The following MVP variants were observed in gnomAD, a reference collection of about 807,000 sequenced individuals.
The protein encoded by MVP is lung resistance-related protein.
MVP carries 62 observed loss-of-function variants against 83.5 expected under a neutral mutation model. That is an observed-to-expected ratio of 0.74 (90% CI 0.61 to 0.92). MVP has a LOEUF of 0.92. MVP is among the 40% of genes least tolerant of loss of function. The pLI is 0.00. For synonymous variants in MVP, 505 were observed against 504.1 expected, an observed-to-expected ratio of 1.00 and a Z score of -0.02; for missense variants, 1,000 against 1,203.4, an observed-to-expected ratio of 0.83 and a Z score of 2.50.
intron 1 of MVP, among the ~76,000 whole-genome samples, chr16:29,824,697 C>T (rs957898769): frequency 2.6e-5 from 4 of 151,858 alleles, no homozygotes; most frequent in Admixed American, 2.0e-4. Flanking sequence ...GGTAGGTGGA[C>T]GTTGCAGTGA....
chr16:29,839,430 G>T (rs2067514773), intron 7 of MVP, among the ~76,000 whole-genome samples: 1 of 152,062 alleles, frequency 6.6e-6, no homozygotes, highest in Non-Finnish European at 1.5e-5. Flanking sequence ...ACTGAATTGT[G>T]AATTGTATAC....
At chr16:29,833,403 C>T (rs1275163708) in intron 3 of MVP, 6 of 267,424 alleles carry the variant, frequency 2.2e-5, no homozygotes, top group Admixed American at 1.0e-4. Context: ...CTCAAGTGAT[C>T]CTCCCACCTC....
Position 29,836,768 on chromosome 16 carries a change from G to A in MVP, c.719G>A (p.Gly240Glu). The A allele has an allele frequency of 2.5e-6, 4 of 1,611,552 alleles. No homozygotes were observed. The South Asian group carries it at 4.4e-5, about 18-fold the overall frequency. The change falls in exon 7 of 15, where the codon GGA becomes GAA. Residue 240 changes from glycine to glutamate, a missense_variant. By Grantham distance (98) the Gly-to-Glu change is moderately conservative. Coordinates refer to ENST00000357402, the MANE Select transcript of MVP (RefSeq NM_005115.5). Reference protein sequence around the residue: ...RARRNFRDFRGVSRRTGEEWL... With the variant: ...RARRNFRDFREVSRRTGEEWL... The stretch of plus-strand genomic sequence containing the variant: ...CGGCGGAACTTCCGGGACTTCAGGG[G>A]AGTGTCCCGCCGCACTGGGGAGGAG...
chr16:29,841,793 C>G lies in MVP; in HGVS notation c.1389C>G (p.Pro463=). The change falls in exon 9 of 15, where the codon CCC becomes CCG. Residue 463 remains proline, a synonymous_variant. Coordinates refer to ENST00000357402, the MANE Select transcript of MVP (RefSeq NM_005115.5). The surrounding 1 kb of genome is among the most constrained non-coding windows in gnomAD (Gnocchi z 4.7). ...NKTRVVSYRV[P]HNAAVQVYDY... is the part of the protein sequence containing the mutation. ...CCCGTGTGGTCAGCTACCGCGTGCC[C>G]CACAACGCTGCGGTGCAGGTGTACG... 6.2e-7 allele frequency: 1 copy of G among 1,613,192 alleles called. No homozygotes were observed. Among genetic ancestry groups the G allele is most frequent in the Non-Finnish European group, 8.5e-7 (1 of 1,180,016 alleles).
intron 11 of MVP, among the ~76,000 whole-genome samples, chr16:29,845,523 C>T (rs2067576824): frequency 6.6e-6 from 1 of 152,218 alleles, no homozygotes; most frequent in South Asian, 2.1e-4. Context: ...CAAAGATCCC[C>T]TCCTTGGGGA....
rs765833073 is a variant in MVP at position 29,842,088 on chromosome 16, T to C, written c.1610T>C (p.Leu537Pro). The change falls in exon 10 of 15, where the codon CTG (leucine) becomes CCG (proline). Residue 537 changes from leucine (L) to proline (P), a missense_variant. By Grantham distance (98) the Leu-to-Pro change is moderately conservative (BLOSUM62 -3). Coordinates refer to ENST00000357402, the MANE Select transcript of MVP (RefSeq NM_005115.5). ...ATCGAAACGGCGGATCATGCCAGGC[T>C]GCAACTGCAGCTGGCCTACAACTGG... is the stretch of plus-strand genomic sequence containing the variant. ...ITIETADHAR[L>P]QLQLAYNWHF... The C allele has an allele frequency of 6.2e-7, 1 of 1,604,756 alleles. No homozygotes were observed. Among genetic ancestry groups the C allele is most frequent in the South Asian group, 1.1e-5 (1 of 90,804 alleles).
At chr16:29,833,604 C>G in intron 3 of MVP, 129 bp from the exon 4 acceptor site, 1 of 1,298,160 alleles carries the variant, frequency 7.7e-7, no homozygotes, top group Non-Finnish European at 1.1e-6. Flanking sequence ...GCCACTGTGC[C>G]CGGCCTCCAC....
intron 1 of MVP, among the ~76,000 whole-genome samples, chr16:29,826,925 CAA>C (rs779179408): frequency 1.3e-4 from 9 of 70,842 alleles, no homozygotes; most frequent in Admixed American, 3.4e-4. Flanking sequence ...GAGTCCATCT[CAA>C]AAAAAAAAAA....
At chr16:29,821,930 G>A (rs1001263439) in intron 1 of MVP, among the ~76,000 whole-genome samples, 1 of 152,164 alleles carries the variant, frequency 6.6e-6, no homozygotes, top group African/African-American at 2.4e-5. Flanking sequence ...GTGGGGTTAA[G>A]AATTCCAGCC....
chr16:29,843,114 A>G (rs973652277), intron 10 of MVP, among the ~76,000 whole-genome samples: 2 of 152,176 alleles, frequency 1.3e-5, no homozygotes, highest in Non-Finnish European at 2.9e-5. Flanking sequence ...CATTGAAAAG[A>G]TGCAATGAGT....
Position 29,836,752 on chromosome 16 carries a change from T to C in MVP, c.703T>C (p.Phe235Leu). 1.2e-6 allele frequency: 2 copies of C among 1,604,092 alleles called. No individual in the cohort carries two copies. The highest frequency in any genetic ancestry group is 2.7e-5 in the African/African-American group (2 of 74,852). ...TALHLRARRN[F>L]RDFRGVSRRT... ...CCTGCACCTCCGGGCTCGGCGGAAC[T>C]TCCGGGACTTCAGGGGAGTGTCCCG... Residue 235 changes from phenylalanine (F) to leucine (L), a missense_variant, in exon 7 of 15, where the codon TTC becomes CTC. Coordinates refer to ENST00000357402, the MANE Select transcript of MVP (RefSeq NM_005115.5).
chr16:29,847,161 CA>C (rs1433199495), intron 13 of MVP, 35 bp from the exon 14 acceptor site: 16 of 1,602,736 alleles, frequency 1.0e-5, no homozygotes, highest in Non-Finnish European at 1.4e-5. Context: ...CAGCCTGGGT[CA>C]AAAAATAAAG....
intron 5 of MVP, 176 bp from the exon 6 acceptor site, chr16:29,835,528 G>C (rs2067478852): frequency 2.2e-6 from 1 of 452,962 alleles, no homozygotes; most frequent in African/African-American, 2.0e-5. Flanking sequence ...AACTGGGGTG[G>C]GGGTTTGGCC....
At chr16:29,829,428 CTGGGTGACAGAG>C (rs1200318451) in intron 1 of MVP, among the ~76,000 whole-genome samples, 4 of 134,270 alleles carry the variant, frequency 3.0e-5, no homozygotes, top group Non-Finnish European at 6.1e-5. Flanking sequence ...GCACTCCAGC[CTGGGTGACAGAG>C]TAAGACTCCG....
At chr16:29,838,138 A>G (rs1166667825) in intron 7 of MVP, among the ~76,000 whole-genome samples, 1 of 152,170 alleles carries the variant, frequency 6.6e-6, no homozygotes, top group Non-Finnish European at 1.5e-5. Context: ...CAGGAGGCAG[A>G]AAAAGTAGAA....
In MVP at chr16:29,840,400, C is replaced by T; in HGVS notation, c.1132C>T (p.Gln378Ter). 2 of 1,591,744 alleles carry T rather than the reference C, an allele frequency of 1.3e-6. No homozygotes were observed. The highest frequency in any genetic ancestry group is 1.7e-6 in the Non-Finnish European group (2 of 1,170,006). The change falls in exon 8 of 15, where the codon CAG becomes TAG. Residue 378 changes from glutamine (Q) to a stop codon, truncating the protein, a stop_gained. Transcript: ENST00000357402. LOFTEE classifies it high-confidence loss of function. Reference protein sequence around the residue: ...SAKVEVVEERQAIPLDENEGI... With the variant: ...SAKVEVVEER ...CAAAGTGGAGGTGGTGGAGGAGCGC[C>T]AGGCCATCCCTCTAGACGAGAACGA...
intron 5 of MVP, chr16:29,834,640 C>T (rs1459514275): frequency 6.5e-6 from 1 of 154,224 alleles, no homozygotes; most frequent in African/African-American, 2.4e-5. Flanking sequence ...TGCACTCCAT[C>T]CTGGGCCACA....
intron 1 of MVP, among the ~76,000 whole-genome samples, chr16:29,823,105 TC>T (rs754739395): frequency 2.7e-5 from 4 of 148,074 alleles, no homozygotes; most frequent in South Asian, 2.1e-4. Context: ...CATTTTTTTT[TC>T]CTTTTCTTTT....
In MVP at chr16:29,826,621, C is replaced by CAA. The variant is rs35848068; in HGVS notation, c.-35-3876_-35-3875dup. Among the ~76,000 whole-genome samples, 860 of 87,852 alleles carry CAA rather than the reference C, an allele frequency of 9.8e-3. 12 individuals are homozygous for CAA. The highest frequency in any genetic ancestry group is 0.062 in the East Asian group (158 of 2,554). 57.6% of individuals were successfully genotyped at this position (87,852 alleles called of 152,430 possible). A position where few individuals can be genotyped will look rare whatever the true frequency, so the allele number is the denominator to read the frequency against. On this transcript the variant is annotated intron_variant, in intron 1 of 14. Coordinates refer to ENST00000357402, the MANE Select transcript of MVP (RefSeq NM_005115.5). The stretch of plus-strand genomic sequence containing the variant: ...TGGGCAACAAAGTAAGACCTTATCT[C>CAA]AAAAAAAAAAAAAAAAAAAGGCCGG...
Sources: gnomAD v4.1 joint callset for allele counts (sites outside exome capture counted in the v4.1 genomes callset) on GRCh38, gnomAD v4.1.1 for gene constraint, Gnocchi (gnomAD v3.1) non-coding constraint, MANE v1.5 for transcripts, NCBI Gene and HGNC (gene_info 2026-07-23, HGNC 2026-07-21) for gene names.